SLC30A8: variants seen among roughly 807,000 people sequenced by gnomAD.
SLC30A8 encodes solute carrier family 30 member 8, also known as proton-coupled zinc antiporter SLC30A8.
In SLC30A8, 27 loss-of-function variants were observed where a neutral mutation model predicts 36.9. The ratio of observed to expected loss-of-function variants is 0.73; its 90% CI spans 0.54 to 1.01. The LOEUF (loss-of-function observed/expected upper bound fraction) is 1.01, where lower values mean the gene tolerates loss of function less well. Ranked by LOEUF, SLC30A8 falls within the 50% of genes least tolerant of loss-of-function variation. The pLI is 0.00. For synonymous variants in SLC30A8, 164 were observed against 172.4 expected (o/e 0.95, Z 0.38); for missense variants, 439 against 452.0 (o/e 0.97, Z 0.26).
At chr8:117,151,302 G>A (rs1463447209) in intron 2 of SLC30A8, among the ~76,000 whole-genome samples, 1 of 152,168 alleles carries the variant, frequency 6.6e-6, no homozygotes, top group Non-Finnish European at 1.5e-5. Flanking sequence ...AAGAGAGGCT[G>A]TTATTTGTTT....
At chr8:117,141,587 G>A in intron 1 of SLC30A8, among the ~76,000 whole-genome samples, 1 of 152,104 alleles carries the variant, frequency 6.6e-6, no homozygotes, top group Non-Finnish European at 1.5e-5. Context: ...AACAGGTGGT[G>A]TTTGGTTACA....
At chr8:117,125,898 GA>G (rs973746867) in intron 2 of SLC30A8, among the ~76,000 whole-genome samples, 4 of 151,874 alleles carry the variant, frequency 2.6e-5, no homozygotes, top group African/African-American at 4.8e-5. Flanking sequence ...ATTTTAGGAA[GA>G]AAAAATTAAA....
At chr8:117,148,384 A>G (rs1822001908) in intron 2 of SLC30A8, among the ~76,000 whole-genome samples, 1 of 152,112 alleles carries the variant, frequency 6.6e-6, no homozygotes, top group Non-Finnish European at 1.5e-5. Flanking sequence ...TCAAAACTTT[A>G]TAAATAGCAG....
upstream of SLC30A8, among the ~76,000 whole-genome samples, chr8:117,130,519 CTAT>C (rs148782579): frequency 5.3e-5 from 8 of 151,610 alleles, no homozygotes; most frequent in African/African-American, 1.4e-4. Flanking sequence ...CAAGAGGGCT[CTAT>C]TATTATTATT....
intron 2 of SLC30A8, among the ~76,000 whole-genome samples, chr8:117,044,106 C>A (rs1259129708): frequency 6.6e-6 from 1 of 152,130 alleles, no homozygotes; most frequent in African/African-American, 2.4e-5. Context: ...CTTGACAAGT[C>A]TATCCAAAGG....
chr8:117,153,050 G>T lies in SLC30A8; in HGVS notation c.378G>T (p.Lys126Asn), dbSNP rs779833277. The T allele has an allele frequency of 6.2e-7, 1 of 1,613,024 alleles. No homozygotes were observed. The highest frequency in any genetic ancestry group is 1.1e-5 in the South Asian group (1 of 90,908). ...TCTTCTCCCTGTGGTTGTCATCGAA[G>T]CCTCCCTCTAAGCGGCTGACATTTG... The part of the protein sequence containing the change: ...LSLFSLWLSS[K>N]PPSKRLTFGW... Residue 126 changes from lysine to asparagine, a missense_variant, in exon 3 of 8, where the codon AAG (lysine) becomes AAT (asparagine). By Grantham distance (94) the Lys-to-Asn change is moderately conservative. Coordinates refer to ENST00000456015, the MANE Select transcript of SLC30A8 (RefSeq NM_173851.3).
intron 2 of SLC30A8, among the ~76,000 whole-genome samples, chr8:117,091,464 G>T (rs1819122230): frequency 6.6e-6 from 1 of 152,088 alleles, no homozygotes; most frequent in Non-Finnish European, 1.5e-5. Flanking sequence ...TTGATCTCCA[G>T]GCAGCTTTCA....
intron 1 of SLC30A8, among the ~76,000 whole-genome samples, chr8:116,987,344 T>G (rs1815480437): frequency 6.6e-6 from 1 of 151,682 alleles, no homozygotes; most frequent in African/African-American, 2.4e-5. Context: ...TAATGTTAAA[T>G]GACGAGTTAA....
At chr8:116,978,276 T>C (rs911852159) in intron 1 of SLC30A8, among the ~76,000 whole-genome samples, 3 of 152,200 alleles carry the variant, frequency 2.0e-5, no homozygotes, top group Non-Finnish European at 4.4e-5. Flanking sequence ...TGAATATGCT[T>C]GTTGACTGAC....
chr8:117,171,275 A>G, intron 7 of SLC30A8, 107 bp downstream of exon 7: 1 of 1,265,066 alleles, frequency 7.9e-7, no homozygotes, highest in South Asian at 1.2e-5. Flanking sequence ...TTGCTTGTCA[A>G]AACATTATAA....
Position 117,038,279 on chromosome 8 carries a change from CT to C in SLC30A8, c.-265-933del, listed in dbSNP as rs550005841. Among the ~76,000 whole-genome samples, 38 of 152,236 alleles carry C rather than the reference CT, an allele frequency of 2.5e-4. No homozygotes were observed. The East Asian group carries it at 6.2e-3, about 25-fold the overall frequency. On this transcript the variant is annotated intron_variant, in intron 1 of 10. Coordinates refer to the SLC30A8 transcript ENST00000427715. ...TTATTATTTCTAGCTTATTGTACAT[CT>C]TTTTTTATTTTTATTTTTTCCAAAA...
chr8:117,038,077 C>T (rs993344940), intron 1 of SLC30A8, among the ~76,000 whole-genome samples: 1 of 151,994 alleles, frequency 6.6e-6, no homozygotes, highest in African/African-American at 2.4e-5. Flanking sequence ...ATCCTGAGGC[C>T]GAATGTGGTA....
chr8:117,019,832 A>G (rs1292427666), intron 1 of SLC30A8, among the ~76,000 whole-genome samples: 3 of 152,222 alleles, frequency 2.0e-5, no homozygotes, highest in Non-Finnish European at 2.9e-5. Flanking sequence ...ATTTGTTTTG[A>G]GAACTGCAAA....
chr8:117,102,808 T>G (rs897522878), intron 2 of SLC30A8, among the ~76,000 whole-genome samples: 1 of 152,106 alleles, frequency 6.6e-6, no homozygotes, highest in African/African-American at 2.4e-5. Context: ...CTCATCCCAA[T>G]ACAATACATG....
chr8:117,028,086 G>C (rs1427081800), intron 1 of SLC30A8, among the ~76,000 whole-genome samples: 1 of 152,140 alleles, frequency 6.6e-6, no homozygotes, highest in African/African-American at 2.4e-5. Context: ...CCGTGCGTTG[G>C]TCGACTACCA....
At chr8:117,066,457 G>A (rs2062947) in intron 2 of SLC30A8, among the ~76,000 whole-genome samples, 23,177 of 152,170 alleles carry the variant, frequency 0.15, 2,349 homozygotes, top group South Asian at 0.33. Flanking sequence ...GACACCTGTT[G>A]TTTATACCAC....
chr8:116,984,949 A>G (rs1041790834), intron 1 of SLC30A8, among the ~76,000 whole-genome samples: 4 of 151,986 alleles, frequency 2.6e-5, no homozygotes, highest in Non-Finnish European at 5.9e-5. Flanking sequence ...GTACCTTTTA[A>G]TGAGTTCTCC....
chr8:117,122,018 C>G (rs1820715201), intron 2 of SLC30A8, among the ~76,000 whole-genome samples: 1 of 151,934 alleles, frequency 6.6e-6, no homozygotes, highest in Non-Finnish European at 1.5e-5. Flanking sequence ...TAGTTTGTCA[C>G]TATCCTCTAT....
At chr8:117,070,254 G>C (rs1206071301) in intron 2 of SLC30A8, among the ~76,000 whole-genome samples, 1 of 152,114 alleles carries the variant, frequency 6.6e-6, no homozygotes, top group Non-Finnish European at 1.5e-5. Context: ...TTCCACTGCT[G>C]GTTTTGCCTG....
Sources: allele counts gnomAD v4.1 joint callset (sites outside exome capture counted in the v4.1 genomes callset), GRCh38; gene constraint gnomAD v4.1.1; transcripts MANE v1.5; gene names NCBI Gene and HGNC (gene_info 2026-07-23, HGNC 2026-07-21).